TBC1D4: variants seen among roughly 807,000 people sequenced by gnomAD.
TBC1D4 encodes TBC1 domain family member 4.
A neutral mutation model predicts 142.5 loss-of-function variants in TBC1D4; 121 were observed. The ratio of observed to expected loss-of-function variants is 0.85; its 90% CI spans 0.73 to 0.99. The LOEUF (loss-of-function observed/expected upper bound fraction) is 0.99, where lower values mean the gene tolerates loss of function less well. Ranked by LOEUF, TBC1D4 falls within the 50% of genes least tolerant of loss-of-function variation. The pLI is 0.00. For synonymous variants in TBC1D4, 630 were observed against 628.2 expected (o/e 1.00, Z -0.04); for missense variants, 1,475 against 1,606.6 (o/e 0.92, Z 1.40).
rs562506688 is a variant in TBC1D4, at chr13:75,426,153, G to A, written c.498+55117C>T. ...CTTGAATAGACATTTCTCCAAAGAAGACATAAAAATGGCCGACAGGGATAT... is the reference window on the plus strand; with the variant it reads ...CTTGAATAGACATTTCTCCAAAGAAAACATAAAAATGGCCGACAGGGATAT... On this transcript the variant is annotated intron_variant, in intron 1 of 20. Coordinates refer to ENST00000377636, the MANE Select transcript of TBC1D4 (RefSeq NM_014832.5). Among the ~76,000 whole-genome samples, 4 of 152,156 alleles carry A rather than the reference G, an allele frequency of 2.6e-5. No homozygotes were observed. The South Asian group carries it at 8.3e-4, about 32-fold the overall frequency.
chr13:75,407,327 C>G (rs1456352028), intron 1 of TBC1D4, among the ~76,000 whole-genome samples: 1 of 152,170 alleles, frequency 6.6e-6, no homozygotes, highest in African/African-American at 2.4e-5. Flanking sequence ...AGGACAATAT[C>G]TTCTGTTTTT....
intron 2 of TBC1D4, among the ~76,000 whole-genome samples, chr13:75,361,684 A>AT (rs893100257): frequency 1.3e-5 from 2 of 151,726 alleles, no homozygotes; most frequent in Admixed American, 6.6e-5. Flanking sequence ...CGGGCCTACA[A>AT]TTTTTTTTTA....
intron 1 of TBC1D4, among the ~76,000 whole-genome samples, chr13:75,406,656 C>T (rs1189730831): frequency 2.6e-5 from 4 of 152,154 alleles, no homozygotes; most frequent in African/African-American, 9.7e-5. Flanking sequence ...GTTCTATTTA[C>T]TAACATTTTA....
Position 75,323,528 on chromosome 13 carries a change from C to T in TBC1D4, c.2198+709G>A, listed in dbSNP as rs531852402. 5.9e-4 allele frequency among the ~76,000 whole-genome samples: 90 copies of T among 152,184 alleles called. No individual in the cohort carries two copies. In the South Asian group the frequency reaches 0.018, roughly 31 times the overall value. On this transcript the variant is annotated intron_variant, in intron 11 of 20. Coordinates refer to ENST00000377636, the MANE Select transcript of TBC1D4 (RefSeq NM_014832.5). The stretch of plus-strand genomic sequence containing the variant: ...AAAAGCAATTCTCCAAAAATCACTA[C>T]GTCTAATTTTGTGTTACTAAAAGAA...
At chr13:75,477,304 C>T (rs898617799) in intron 1 of TBC1D4, among the ~76,000 whole-genome samples, 1 of 152,052 alleles carries the variant, frequency 6.6e-6, no homozygotes, top group African/African-American at 2.4e-5. Flanking sequence ...AAACTGGTTA[C>T]GTGAATAAAG....
Position 75,474,130 on chromosome 13 carries a change from A to G in TBC1D4, c.498+7140T>C, listed in dbSNP as rs190850343. Among the ~76,000 whole-genome samples, 1,116 of 152,356 alleles carry G rather than the reference A, an allele frequency of 7.3e-3. 9 individuals are homozygous for G. The highest frequency in any genetic ancestry group is 0.012 in the South Asian group (57 of 4,830). ...TATACCCAAGTGTGCATTCAGCACT[A>G]ATTATTATTTTACAAACTTAATAAG... On this transcript the variant is annotated intron_variant, in intron 1 of 20. Transcript: ENST00000377636.
intron 1 of TBC1D4, among the ~76,000 whole-genome samples, chr13:75,372,415 G>C (rs9565157): frequency 1.3e-5 from 2 of 151,740 alleles, no homozygotes; most frequent in Non-Finnish European, 2.9e-5. Flanking sequence ...AATTACAGGC[G>C]CCCACCAGGA....
At position 75,481,752 on chromosome 13, in the gene TBC1D4, AGCT is replaced by A. The variant is rs761538653; in HGVS notation, c.13_15del (p.Ser5del). ...TGCGGGAACGGCTCATCCTGAATGC[AGCT>A]GGGCGGCTCCATAACTCTCGCCTCA... is the stretch of plus-strand genomic sequence containing the variant. On this transcript the variant is annotated inframe_deletion, in exon 1 of 21. Coordinates refer to ENST00000377636, the MANE Select transcript of TBC1D4 (RefSeq NM_014832.5). 1 of 1,587,574 alleles carries A rather than the reference AGCT, an allele frequency of 6.3e-7. No individual in the cohort carries two copies. The highest frequency in any genetic ancestry group is 1.4e-5 in the African/African-American group (1 of 72,578).
intron 4 of TBC1D4, among the ~76,000 whole-genome samples, chr13:75,355,053 G>A (rs1184203846): frequency 6.6e-6 from 1 of 152,186 alleles, no homozygotes; most frequent in African/African-American, 2.4e-5. Context: ...AAGGCCAGAG[G>A]CTGCTGGTCA....
chr13:75,394,163 T>C (rs1884650583), intron 1 of TBC1D4, among the ~76,000 whole-genome samples: 1 of 152,158 alleles, frequency 6.6e-6, no homozygotes. Flanking sequence ...AATTACCTTA[T>C]AAGACAAGAG....
chr13:75,362,104 C>T lies in TBC1D4; in HGVS notation c.1002G>A (p.Gln334=). The change falls in exon 2 of 21, where the codon CAG becomes CAA. Residue 334 remains glutamine, a synonymous_variant. Transcript: ENST00000377636. The surrounding 1 kb of genome is among the most constrained non-coding windows in gnomAD (Gnocchi z 4.2). The stretch of plus-strand genomic sequence containing the variant: ...GTGCGCTCGCGTGTCTCCGTCGCGG[C>T]TGGGATTTCTGGCTGCCCTCGTGAA... ...RRVHEGSQKS[Q]PRRRHASAPS... is the part of the protein sequence containing the mutation. The T allele has an allele frequency of 6.2e-7, 1 of 1,614,042 alleles. No individual in the cohort carries two copies. The highest frequency in any genetic ancestry group is 8.5e-7 in the Non-Finnish European group (1 of 1,180,034).
intron 17 of TBC1D4, among the ~76,000 whole-genome samples, chr13:75,298,764 CAT>C (rs1491291946): frequency 5.9e-5 from 9 of 151,846 alleles, no homozygotes; most frequent in African/African-American, 1.7e-4. Flanking sequence ...CACACACACA[CAT>C]ACACACACAC....
In TBC1D4 at chr13:75,286,331, A is replaced by G. The variant is rs147860225; in HGVS notation, c.*461T>C. ...CCACCTTTTCACCATTGAGTGAAAC[A>G]TGCTGTTCTTTGGAGAAAAAAATAC... On this transcript the variant is annotated 3_prime_UTR_variant, in exon 21 of 21. Transcript: ENST00000377636. 3.7e-3 allele frequency: 593 copies of G among 161,180 alleles called. 2 individuals carry two copies. The highest frequency in any genetic ancestry group is 0.013 in the African/African-American group (543 of 41,618). 10.0% of individuals were successfully genotyped at this position (161,180 alleles called of 1,614,324 possible).
chr13:75,399,934 C>T (rs114721465), intron 1 of TBC1D4, among the ~76,000 whole-genome samples: 2,194 of 152,164 alleles, frequency 0.014, 53 homozygotes, highest in African/African-American at 0.049. Flanking sequence ...GTCATGCTAG[C>T]GTTGGGGAGA....
chr13:75,466,847 G>A (rs1005582511), intron 1 of TBC1D4, among the ~76,000 whole-genome samples: 5 of 151,548 alleles, frequency 3.3e-5, no homozygotes, highest in South Asian at 2.1e-4. Context: ...CTCCAGCCTC[G>A]TGACAAAGTG....
At chr13:75,406,826 T>C (rs745607408) in intron 1 of TBC1D4, among the ~76,000 whole-genome samples, 2 of 152,164 alleles carry the variant, frequency 1.3e-5, no homozygotes, top group Non-Finnish European at 2.9e-5. Flanking sequence ...GGTAGTTTAA[T>C]GTACAAAAAC....
At chr13:75,302,186 T>C in intron 16 of TBC1D4, 57 bp downstream of exon 16, 1 of 1,609,940 alleles carries the variant, frequency 6.2e-7, no homozygotes, top group Non-Finnish European at 8.5e-7. Flanking sequence ...CCAAAAAAAC[T>C]TAACAGAGGG....
chr13:75,346,327 G>GTGA (rs1881145631), intron 5 of TBC1D4, among the ~76,000 whole-genome samples: 1 of 151,822 alleles, frequency 6.6e-6, no homozygotes, highest in Admixed American at 6.6e-5. Flanking sequence ...CCCCCGGCAT[G>GTGA]TGATGTTCCC....
chr13:75,312,965 T>A, intron 12 of TBC1D4, 67 bp from the exon 13 acceptor site: 1 of 1,570,340 alleles, frequency 6.4e-7, no homozygotes, highest in Non-Finnish European at 8.7e-7. Flanking sequence ...CACAACCAAC[T>A]GGTAGCACAA....
Sources: allele counts gnomAD v4.1 joint callset (sites outside exome capture counted in the v4.1 genomes callset), GRCh38; gene constraint gnomAD v4.1.1; non-coding constraint Gnocchi (gnomAD v3.1); transcripts MANE v1.5; gene names NCBI Gene and HGNC (gene_info 2026-07-23, HGNC 2026-07-21).